FOXN3: variants seen among roughly 807,000 people sequenced by gnomAD.
FOXN3 encodes the protein forkhead box N3.
FOXN3 carries 7 observed loss-of-function variants against 38.4 expected under a neutral mutation model. The observed-to-expected ratio is 0.18, with a 90% CI of 0.10 to 0.34. The LOEUF (loss-of-function observed/expected upper bound fraction) is 0.34, where lower values mean the gene tolerates loss of function less well. FOXN3 is among the 10% of genes least tolerant of loss of function. FOXN3 has a pLI of 1.00. For synonymous variants in FOXN3, 230 were observed against 242.2 expected (o/e 0.95, Z 0.47); for missense variants, 456 against 613.4 (o/e 0.74, Z 2.71).
At chr14:89,281,292 G>C (rs938394539) in intron 3 of FOXN3, among the ~76,000 whole-genome samples, 1 of 152,146 alleles carries the variant, frequency 6.6e-6, no homozygotes, top group African/African-American at 2.4e-5. Flanking sequence ...AAATTCACAT[G>C]GTTTAACGGC....
rs1282919073 is a variant in FOXN3, at chr14:89,546,694, C to T, written c.-15+72334G>A. On this transcript the variant is annotated intron_variant, in intron 1 of 6. Transcript: ENST00000345097. ...AAGCAAACCAAATTTCCTGTATAAC[C>T]TTTGCCCTTTTCACATATATGTATA... is the stretch of plus-strand genomic sequence containing the variant. Among the ~76,000 whole-genome samples, 8 of 152,010 alleles carry T rather than the reference C, an allele frequency of 5.3e-5. No homozygotes were observed. The South Asian group carries it at 1.0e-3, about 20-fold the overall frequency.
chr14:89,403,417 C>T (rs1292328055), intron 2 of FOXN3, among the ~76,000 whole-genome samples: 5 of 152,164 alleles, frequency 3.3e-5, no homozygotes, highest in African/African-American at 9.7e-5. Flanking sequence ...AGGCTGGTCT[C>T]GAACTCCTGG....
intron 4 of FOXN3, among the ~76,000 whole-genome samples, chr14:89,205,442 T>C (rs1321710209): frequency 6.6e-6 from 1 of 152,204 alleles, no homozygotes; most frequent in Admixed American, 6.5e-5. Context: ...GCCCAAAAAG[T>C]TGCCTTCTGG....
chr14:89,402,919 A>G (rs923521105), intron 2 of FOXN3, among the ~76,000 whole-genome samples: 2 of 152,232 alleles, frequency 1.3e-5, no homozygotes, highest in African/African-American at 4.8e-5. Flanking sequence ...TGGAGGTCTA[A>G]TGCTCATTCC....
intron 4 of FOXN3, among the ~76,000 whole-genome samples, chr14:89,188,612 T>C (rs1433734407): frequency 6.6e-6 from 1 of 152,208 alleles, no homozygotes; most frequent in African/African-American, 2.4e-5. Flanking sequence ...ATGGTCCCAT[T>C]TTCCCTCTGA....
rs1344843546 is a variant in FOXN3, at chr14:89,506,310, G to A, written c.-14-93820C>T. On this transcript the variant is annotated intron_variant, in intron 1 of 6. Transcript: ENST00000345097. ...AGCCCCCCGCCCGGCCAGCCGCCCC[G>A]TCCGGGAGGGAGGTGGGGGGGTCAG... is the stretch of plus-strand genomic sequence containing the variant. 2.8e-4 allele frequency among the ~76,000 whole-genome samples: 22 copies of A among 78,648 alleles called. No homozygotes were observed. In the East Asian group the frequency reaches 4.1e-3, roughly 15 times the overall value. 51.6% of individuals were successfully genotyped at this position (78,648 alleles called of 152,430 possible).
chr14:89,546,362 G>A (rs371360443), intron 1 of FOXN3, among the ~76,000 whole-genome samples: 2 of 77,930 alleles, frequency 2.6e-5, no homozygotes, highest in South Asian at 4.1e-4. Context: ...ATGGAGTCTC[G>A]CTCTGTCACC....
chr14:89,220,237 C>G (rs1252196426), intron 4 of FOXN3, among the ~76,000 whole-genome samples: 1 of 152,178 alleles, frequency 6.6e-6, no homozygotes, highest in Non-Finnish European at 1.5e-5. Flanking sequence ...GTTGAGGATG[C>G]AGGCTCTGGA....
chr14:89,511,157 C>CTTTCTTTCTTTCTTTCTT lies in FOXN3; in HGVS notation c.-14-98685_-14-98668dup, dbSNP rs1566680847. On this transcript the variant is annotated intron_variant, in intron 1 of 6. Coordinates refer to the FOXN3 transcript ENST00000345097. Reference sequence around the variant, plus strand: ...CTTTCTTTCTTTTCTTTCTTTCTTTCTTTCTTTCTTTCTTTCTTTCTTTCT... The same window carrying CTTTCTTTCTTTCTTTCTT: ...CTTTCTTTCTTTTCTTTCTTTCTTTCTTTCTTTCTTTCTTTCTTTTTCTTTCTTTCTTTCTTTCTTTCT... Among the ~76,000 whole-genome samples, 124 of 22,622 alleles carry CTTTCTTTCTTTCTTTCTT rather than the reference C, an allele frequency of 5.5e-3. 26 individuals are homozygous for CTTTCTTTCTTTCTTTCTT. Among genetic ancestry groups the CTTTCTTTCTTTCTTTCTT allele is most frequent in the African/African-American group, 8.4e-3 (119 of 14,088 alleles). 14.8% of individuals were successfully genotyped at this position (22,622 alleles called of 152,430 possible). A position where few individuals can be genotyped will look rare whatever the true frequency, so the allele number is the denominator to read the frequency against.
chr14:89,558,113 A>C (rs1339430355), intron 1 of FOXN3, among the ~76,000 whole-genome samples: 1 of 152,244 alleles, frequency 6.6e-6, no homozygotes, highest in African/African-American at 2.4e-5. Flanking sequence ...ACTTTAAAAT[A>C]GAGTAACCTT....
At chr14:89,176,369 A>AG (rs1887518363) in intron 5 of FOXN3, among the ~76,000 whole-genome samples, 1 of 152,192 alleles carries the variant, frequency 6.6e-6, no homozygotes, top group Non-Finnish European at 1.5e-5. Flanking sequence ...GAGGAAAAAA[A>AG]AATCCCTGAA....
intron 1 of FOXN3, among the ~76,000 whole-genome samples, chr14:89,558,769 A>C (rs562391712): frequency 6.6e-6 from 1 of 152,252 alleles, no homozygotes; most frequent in South Asian, 2.1e-4. Flanking sequence ...GTGAGCAAGG[A>C]GCAGGTTGGG....
At chr14:89,418,412 A>ACAC (rs1891814742), upstream of FOXN3, among the ~76,000 whole-genome samples, 1 of 71,970 alleles carries the variant, frequency 1.4e-5, no homozygotes, top group African/African-American at 6.7e-5. Context: ...CAAAAAATAG[A>ACAC]CCCCCCCCCC....
At chr14:89,177,169 C>T (rs1215562048) in intron 5 of FOXN3, among the ~76,000 whole-genome samples, 1 of 152,056 alleles carries the variant, frequency 6.6e-6, no homozygotes, top group African/African-American at 2.4e-5. Context: ...TACCATCACA[C>T]CCAGCTAATT....
At chr14:89,473,919 C>T (rs1036836360) in intron 1 of FOXN3, among the ~76,000 whole-genome samples, 1 of 151,976 alleles carries the variant, frequency 6.6e-6, no homozygotes, top group African/African-American at 2.4e-5. Context: ...TTGTAGTATT[C>T]TCCCACGCTA....
chr14:89,283,478 T>G (rs913382868), intron 3 of FOXN3, among the ~76,000 whole-genome samples: 1 of 152,190 alleles, frequency 6.6e-6, no homozygotes, highest in African/African-American at 2.4e-5. Context: ...AAGCTTAAAG[T>G]TGGTTAAAAC....
intron 3 of FOXN3, among the ~76,000 whole-genome samples, chr14:89,289,452 G>C (rs1449193686): frequency 3.3e-5 from 5 of 152,178 alleles, no homozygotes; most frequent in African/African-American, 1.2e-4. Context: ...AACAGACACT[G>C]AGCTTGATTT....
At chr14:89,278,955 G>A (rs752730453) in intron 4 of FOXN3, among the ~76,000 whole-genome samples, 1 of 151,918 alleles carries the variant, frequency 6.6e-6, no homozygotes, top group Non-Finnish European at 1.5e-5. Flanking sequence ...TTGCTTGTGG[G>A]CCTTAGCAAC....
At chr14:89,433,587 G>A (rs191312832) in intron 1 of FOXN3, among the ~76,000 whole-genome samples, 63 of 152,174 alleles carry the variant, frequency 4.1e-4, no homozygotes, top group African/African-American at 1.3e-3. Flanking sequence ...GGCAGATCAC[G>A]AGGTCAGGAG....
Sources: gnomAD v4.1 joint callset for allele counts (sites outside exome capture counted in the v4.1 genomes callset) on GRCh38, gnomAD v4.1.1 for gene constraint, MANE v1.5 for transcripts, NCBI Gene and HGNC (gene_info 2026-07-23, HGNC 2026-07-21) for gene names.